ATG10: variants seen among roughly 807,000 people sequenced by gnomAD.
The protein encoded by ATG10 is autophagy related 10, also known as ubiquitin-like-conjugating enzyme ATG10.
ATG10 carries 30 observed loss-of-function variants against 32.1 expected under a neutral mutation model. The observed-to-expected ratio is 0.94, with a 90% CI of 0.70 to 1.27. The LOEUF (loss-of-function observed/expected upper bound fraction) is 1.27, where lower values mean the gene tolerates loss of function less well. Among genes scored for constraint, ATG10 ranks in the 50% most tolerant of loss-of-function variants. ATG10 has a pLI of 0.00. For synonymous variants in ATG10, 87 were observed against 91.5 expected (o/e 0.95, Z 0.28); for missense variants, 233 against 262.3 (o/e 0.89, Z 0.77).
chr5:82,017,132 G>A (rs1581602349), intron 2 of ATG10, among the ~76,000 whole-genome samples: 1 of 151,498 alleles, frequency 6.6e-6, no homozygotes, highest in Admixed American at 6.6e-5. Flanking sequence ...CCTTGGTTAA[G>A]CATATTCCTA....
intron 4 of ATG10, among the ~76,000 whole-genome samples, chr5:82,175,029 G>T (rs77624715): frequency 9.2e-5 from 14 of 152,226 alleles, no homozygotes; most frequent in African/African-American, 2.9e-4. Context: ...GACTGTCTAA[G>T]CCATCTCAAC....
At chr5:82,231,158 C>G (rs1403749239) in intron 5 of ATG10, among the ~76,000 whole-genome samples, 1 of 152,062 alleles carries the variant, frequency 6.6e-6, no homozygotes, top group East Asian at 1.9e-4. Context: ...TACTAGTTTT[C>G]TTTTTGGGTC....
At chr5:82,213,378 C>T (rs1052181252) in intron 5 of ATG10, among the ~76,000 whole-genome samples, 3 of 152,184 alleles carry the variant, frequency 2.0e-5, no homozygotes, top group Non-Finnish European at 4.4e-5. Context: ...ACCTGGTGAG[C>T]TTCCTTCCTC....
chr5:82,026,442 T>C (rs1455529589), intron 2 of ATG10, among the ~76,000 whole-genome samples: 1 of 152,218 alleles, frequency 6.6e-6, no homozygotes, highest in East Asian at 1.9e-4. Flanking sequence ...TGTACAATAT[T>C]TGTATTTTAT....
chr5:82,002,454 T>C (rs536028124), intron 2 of ATG10, among the ~76,000 whole-genome samples: 58 of 152,296 alleles, frequency 3.8e-4, no homozygotes, highest in Non-Finnish European at 6.2e-4. Context: ...GGAATACTTA[T>C]GTAGCCATAA....
At chr5:82,243,309 AG>A (rs1277703140) in intron 5 of ATG10, among the ~76,000 whole-genome samples, 1 of 152,062 alleles carries the variant, frequency 6.6e-6, no homozygotes, top group Non-Finnish European at 1.5e-5. Flanking sequence ...GTCTACAATA[AG>A]ATGGAAAAAA....
At chr5:82,118,316 GTA>G (rs1474669836) in intron 3 of ATG10, among the ~76,000 whole-genome samples, 6 of 135,606 alleles carry the variant, frequency 4.4e-5, no homozygotes, top group African/African-American at 1.1e-4. Context: ...GTGTGTGTGT[GTA>G]TATATATATA....
intron 3 of ATG10, among the ~76,000 whole-genome samples, chr5:82,157,458 CACTT>C (rs1767849342): frequency 5.7e-5 from 8 of 140,416 alleles, no homozygotes. Context: ...TTGTGACAGT[CACTT>C]ACTCAGAAGC....
intron 5 of ATG10, among the ~76,000 whole-genome samples, chr5:82,200,677 T>C (rs1284645187): frequency 6.6e-6 from 1 of 150,828 alleles, no homozygotes; most frequent in African/African-American, 2.4e-5. Context: ...TTTTTTTAAA[T>C]TAGATTCTTT....
intron 2 of ATG10, among the ~76,000 whole-genome samples, chr5:81,996,782 C>T (rs1296467508): frequency 2.0e-5 from 3 of 152,142 alleles, no homozygotes; most frequent in African/African-American, 4.8e-5. Flanking sequence ...TGACTTGTAT[C>T]CTCATGCAAG....
At chr5:82,041,494 C>A (rs542892441) in intron 2 of ATG10, among the ~76,000 whole-genome samples, 2 of 152,026 alleles carry the variant, frequency 1.3e-5, no homozygotes, top group Non-Finnish European at 2.9e-5. Flanking sequence ...TGGTATATTT[C>A]AAGTATAAAA....
intron 1 of ATG10, among the ~76,000 whole-genome samples, chr5:81,984,095 C>T (rs1209322131): frequency 6.6e-6 from 1 of 152,192 alleles, no homozygotes; most frequent in Non-Finnish European, 1.5e-5. Context: ...GTGGAGGCTG[C>T]AGCGAGCCGA....
At chr5:82,099,628 TAAAC>T (rs776758342) in intron 3 of ATG10, among the ~76,000 whole-genome samples, 1 of 152,140 alleles carries the variant, frequency 6.6e-6, no homozygotes. Context: ...ATAATAATCA[TAAAC>T]AAGATAATCC....
In ATG10 at chr5:82,148,157, A is replaced by G. The variant is rs570608172; in HGVS notation, c.217-16242A>G. 2.0e-5 allele frequency: 3 copies of G among 152,304 alleles called. No individual in the cohort carries two copies. In the South Asian group the frequency reaches 6.2e-4, roughly 32 times the overall value. 9.4% of individuals were successfully genotyped at this position (152,304 alleles called of 1,614,324 possible). On this transcript the variant is annotated intron_variant, in intron 3 of 7. Transcript: ENST00000282185. ...GTGAGTGATTTCATGCTATAATGAC[A>G]GAGTTGAGTAGTAGTTGTGACAAAG... is the stretch of plus-strand genomic sequence containing the variant.
chr5:82,160,917 A>C lies in ATG10; in HGVS notation c.217-3482A>C, dbSNP rs1743304509. Among the ~76,000 whole-genome samples, 4 of 152,266 alleles carry C rather than the reference A, an allele frequency of 2.6e-5. No homozygotes were observed. The South Asian group carries it at 8.3e-4, about 32-fold the overall frequency. On this transcript the variant is annotated intron_variant, in intron 3 of 7. Coordinates refer to ENST00000282185, the MANE Select transcript of ATG10 (RefSeq NM_031482.5). ...TGTTATAACATACTTACATAGGAGG[A>C]AACAGATCTTCAGACTGAAATAGAA...
intron 3 of ATG10, among the ~76,000 whole-genome samples, chr5:82,063,315 T>C (rs1400937787): frequency 1.3e-5 from 2 of 151,994 alleles, no homozygotes; most frequent in African/African-American, 4.8e-5. Context: ...AGAACAAGAC[T>C]CTGTCTCAAA....
At chr5:82,089,265 C>T (rs1764798164) in intron 3 of ATG10, among the ~76,000 whole-genome samples, 1 of 151,964 alleles carries the variant, frequency 6.6e-6, no homozygotes, top group Non-Finnish European at 1.5e-5. Context: ...TCACTTGAAC[C>T]CAGGAGGCGG....
At chr5:82,195,493 T>C (rs1744818525) in intron 5 of ATG10, among the ~76,000 whole-genome samples, 1 of 152,176 alleles carries the variant, frequency 6.6e-6, no homozygotes, top group Admixed American at 6.6e-5. Flanking sequence ...GGGGTTTGTA[T>C]GGGAAGGCAA....
chr5:82,023,199 C>A (rs1304890669), intron 2 of ATG10, among the ~76,000 whole-genome samples: 1 of 151,704 alleles, frequency 6.6e-6, no homozygotes. Context: ...AAAAAGAATA[C>A]TTTTATTTAA....
Sources: allele counts gnomAD v4.1 joint callset (sites outside exome capture counted in the v4.1 genomes callset), GRCh38; gene constraint gnomAD v4.1.1; transcripts MANE v1.5; gene names NCBI Gene and HGNC (gene_info 2026-07-23, HGNC 2026-07-21).